Variants in ZNF638 observed in about 807,000 individuals in gnomAD.
The protein encoded by ZNF638 is zinc finger protein 638.
Under a neutral mutation model 195.6 loss-of-function variants are expected in ZNF638, and 46 were observed. That is an observed-to-expected ratio of 0.24 (90% CI 0.19 to 0.30). The LOEUF (loss-of-function observed/expected upper bound fraction) is 0.30. Ranked by LOEUF, ZNF638 falls within the 10% of genes least tolerant of loss-of-function variation. The pLI, the probability that ZNF638 is intolerant of heterozygous loss-of-function variation, is 1.00. For missense variants in ZNF638, 2,440 were observed against 2,325.3 expected, an observed-to-expected ratio of 1.05 and a Z score of -1.01; for synonymous variants, 845 against 772.0, an observed-to-expected ratio of 1.09 and a Z score of -1.57.
chr2:71,398,606 C>A (rs2079943158), intron 11 of ZNF638, 95 bp from the exon 12 acceptor site: 2 of 951,592 alleles, frequency 2.1e-6, no homozygotes, highest in South Asian at 1.3e-5. Flanking sequence ...TAAAACACAG[C>A]CTATTATTCT....
At chr2:71,339,780 C>T (rs1013567441) in intron 1 of ZNF638, among the ~76,000 whole-genome samples, 12 of 152,164 alleles carry the variant, frequency 7.9e-5, no homozygotes, top group African/African-American at 2.9e-4. Flanking sequence ...ACAAAAAATC[C>T]TAGGGAAGAT....
chr2:71,331,967 C>T, intron 1 of ZNF638, 92 bp downstream of exon 1: 4 of 977,254 alleles, frequency 4.1e-6, no homozygotes, highest in Non-Finnish European at 4.9e-6. Context: ...TCCGGGCCGA[C>T]TATTGTATCT....
intron 2 of ZNF638, among the ~76,000 whole-genome samples, chr2:71,354,926 A>G (rs1327455914): frequency 1.3e-5 from 2 of 152,068 alleles, no homozygotes; most frequent in Non-Finnish European, 2.9e-5. Flanking sequence ...CTTGTATGGA[A>G]TGGTACTGGT....
chr2:71,408,841 T>C (rs2080156134), intron 20 of ZNF638: 2 of 263,222 alleles, frequency 7.6e-6, no homozygotes, highest in Non-Finnish European at 1.6e-5. Flanking sequence ...AATCTTGCAC[T>C]ATCTAAAGAA....
rs1249211578 is a variant in ZNF638 at position 71,431,332 on chromosome 2, G to C, written c.5656G>C (p.Glu1886Gln). The change falls in exon 26 of 28, where the codon GAG becomes CAG. Residue 1886 changes from glutamate (E) to glutamine (Q), a missense_variant. By Grantham distance (29) the Glu-to-Gln change is conservative. Around this residue, in one of 5 missense-constraint regions of ZNF638, gnomAD observed 1,883 missense variants for 1,739.1 expected, o/e 1.08. Coordinates refer to ENST00000264447, the MANE Select transcript of ZNF638 (RefSeq NM_014497.5). ...TTTTCCTCGAAAAATTTTAGTTGAT[G>C]AGGAATCTGGATTAAAGGATTCAGA... The part of the protein sequence containing the change: ...EEAFQMSEVD[E>Q]ESGLKDSEPE... 1.2e-6 allele frequency: 2 copies of C among 1,610,848 alleles called. No individual in the cohort carries two copies. Among genetic ancestry groups the C allele is most frequent in the African/African-American group, 2.7e-5 (2 of 74,782 alleles).
intron 6 of ZNF638, among the ~76,000 whole-genome samples, chr2:71,366,562 G>C (rs949679198): frequency 2.0e-5 from 3 of 152,122 alleles, no homozygotes; most frequent in Non-Finnish European, 4.4e-5. Context: ...AGAACATTTT[G>C]ATGGTTTGGC....
rs780206680 is a variant in ZNF638 at position 71,349,524 on chromosome 2, T to C, written c.570T>C (p.Pro190=). ...TGGGGCGCCGATTACCTAATTTACC[T>C]TCTCAGAGCAGAAATAAAGAAACAC... The part of the protein sequence containing the change: ...RKMGRRLPNL[P]SQSRNKETLG... The change falls in exon 2 of 28, where the codon CCT becomes CCC. Residue 190 remains proline, a synonymous_variant. Transcript: ENST00000264447. The C allele has an allele frequency of 6.2e-7, 1 of 1,614,196 alleles. No homozygotes were observed. The highest frequency in any genetic ancestry group is 1.3e-5 in the African/African-American group (1 of 75,056).
intron 18 of ZNF638, 95 bp from the exon 19 acceptor site, chr2:71,406,033 A>AT: frequency 6.9e-7 from 1 of 1,441,352 alleles, no homozygotes; most frequent in Non-Finnish European, 9.5e-7. Flanking sequence ...AGAGAACATC[A>AT]TCTGACCTCT....
At chr2:71,388,808 A>C in intron 10 of ZNF638, 1 of 760,384 alleles carries the variant, frequency 1.3e-6, no homozygotes, top group Non-Finnish European at 2.3e-6. Flanking sequence ...AGCTGTCCGC[A>C]CAACAGAAAC....
intron 12 of ZNF638, 44 bp from the exon 13 acceptor site, chr2:71,399,515 T>C (rs758613994): frequency 2.1e-6 from 3 of 1,403,126 alleles, no homozygotes; most frequent in East Asian, 4.6e-5. Flanking sequence ...TGCTAAATGA[T>C]TTAACAAGAC....
intron 21 of ZNF638, among the ~76,000 whole-genome samples, chr2:71,419,842 TCTC>T (rs554376762): frequency 6.6e-4 from 100 of 152,102 alleles, no homozygotes; most frequent in African/African-American, 2.4e-3. Context: ...TGGTCATTGT[TCTC>T]CTCTCATTGT....
Position 71,427,008 on chromosome 2 carries a change from T to C in ZNF638, c.5139T>C (p.Asp1713=). The change falls in exon 24 of 28, where the codon GAT becomes GAC. Residue 1713 remains aspartate (D), a synonymous_variant. Coordinates refer to ENST00000264447, the MANE Select transcript of ZNF638 (RefSeq NM_014497.5). The part of the protein sequence containing the change: ...ATLNTKGNEG[D]TVRDSIGFIS... ...TAAATACTAAAGGAAATGAAGGAGA[T>C]ACTGTAAGGGATTCCATTGGCTTCA... is the stretch of plus-strand genomic sequence containing the variant. 6.2e-7 allele frequency: 1 copy of C among 1,611,780 alleles called. No homozygotes were observed.
At chr2:71,404,259 A>T (rs2080061659) in intron 17 of ZNF638, among the ~76,000 whole-genome samples, 1 of 152,188 alleles carries the variant, frequency 6.6e-6, no homozygotes, top group Non-Finnish European at 1.5e-5. Context: ...TTTCTCTCTT[A>T]TCTTTCTGCC....
Position 71,364,901 on chromosome 2 carries a change from G to C in ZNF638, c.1718-528G>C, listed in dbSNP as rs1289097279. Among the ~76,000 whole-genome samples, 4 of 152,130 alleles carry C rather than the reference G, an allele frequency of 2.6e-5. No individual in the cohort carries two copies. The East Asian group carries it at 7.7e-4, about 29-fold the overall frequency. ...TTTTCTAATTACATGCCTCCATGAGGCTGGATTTTCTTTATCCAGAAGCAG... is the reference window on the plus strand; with the variant it reads ...TTTTCTAATTACATGCCTCCATGAGCCTGGATTTTCTTTATCCAGAAGCAG... On this transcript the variant is annotated intron_variant, in intron 5 of 27. Coordinates refer to ENST00000264447, the MANE Select transcript of ZNF638 (RefSeq NM_014497.5).
At chr2:71,397,599 C>G (rs1261073818) in intron 11 of ZNF638, among the ~76,000 whole-genome samples, 1 of 152,188 alleles carries the variant, frequency 6.6e-6, no homozygotes, top group Non-Finnish European at 1.5e-5. Context: ...GTACACAAAT[C>G]TGTTCGTGCC....
At chr2:71,384,596 A>G (rs78577223) in intron 10 of ZNF638, among the ~76,000 whole-genome samples, 8,835 of 152,274 alleles carry the variant, frequency 0.058, 973 homozygotes, top group East Asian at 0.55. Flanking sequence ...GAAGATAAAA[A>G]GTCAGTTAAG....
In ZNF638 at chr2:71,365,761, C is replaced by T. The variant is rs940729296; in HGVS notation, c.1995+55C>T. ...AGATAAGGTTTCACTCTGTCATCCT[C>T]GCTGGACTGCAGTGGTGCAACAAGC... On this transcript the variant is annotated intron_variant, in intron 6 of 27. Coordinates refer to ENST00000264447, the MANE Select transcript of ZNF638 (RefSeq NM_014497.5). 27 of 1,465,408 alleles carry T rather than the reference C, an allele frequency of 1.8e-5. No homozygotes were observed. The East Asian group carries it at 2.2e-4, about 12-fold the overall frequency. The allele number at this position is 1,465,408 out of a possible 1,614,324, so 90.8% of individuals were successfully genotyped here. A position where few individuals can be genotyped will look rare whatever the true frequency, so the allele number is the denominator to read the frequency against.
chr2:71,367,961 A>G (rs1007108475), intron 6 of ZNF638, among the ~76,000 whole-genome samples: 1 of 152,160 alleles, frequency 6.6e-6, no homozygotes, highest in Non-Finnish European at 1.5e-5. Context: ...ATACCTGTCT[A>G]GAGATCATTT....
At chr2:71,401,670 G>A (rs2080007727) in intron 15 of ZNF638, among the ~76,000 whole-genome samples, 3 of 151,246 alleles carry the variant, frequency 2.0e-5, no homozygotes, top group Admixed American at 2.0e-4. Context: ...CTGGGCAACA[G>A]AGCAAGACTA....
Sources: allele counts gnomAD v4.1 joint callset (sites outside exome capture counted in the v4.1 genomes callset), GRCh38; gene constraint gnomAD v4.1.1; regional missense constraint gnomAD v4.1.1; transcripts MANE v1.5; gene names NCBI Gene and HGNC (gene_info 2026-07-23, HGNC 2026-07-21).